Variants in EMP1 observed in about 807,000 individuals in gnomAD.
The protein encoded by EMP1 is tumor-associated membrane protein.
EMP1 carries 5 observed loss-of-function variants against 15.7 expected under a neutral mutation model. The observed-to-expected ratio is 0.32, with a 90% CI of 0.17 to 0.67. The LOEUF (loss-of-function observed/expected upper bound fraction) is 0.67. Among genes scored for constraint, EMP1 ranks in the 30% least tolerant of loss-of-function variants. The pLI is 0.74. For synonymous variants in EMP1, 78 were observed against 76.7 expected (o/e 1.02, Z -0.09); for missense variants, 166 against 194.2 (o/e 0.85, Z 0.86).
chr12:13,197,803 A>C (rs1023774807), intron 1 of EMP1, among the ~76,000 whole-genome samples: 1 of 152,204 alleles, frequency 6.6e-6, no homozygotes, highest in Non-Finnish European at 1.5e-5. Flanking sequence ...AAAGAAAAAA[A>C]ATGAAAAAAG....
chr12:13,215,470 T>G lies in EMP1; in HGVS notation c.*779T>G, dbSNP rs1864206467. 6.6e-6 allele frequency: 1 copy of G among 152,200 alleles called. No individual in the cohort carries two copies. The highest frequency in any genetic ancestry group is 1.5e-5 in the Non-Finnish European group (1 of 68,060). The allele number at this position is 152,200 out of a possible 1,614,324, so 9.4% of individuals were successfully genotyped here. A position where few individuals can be genotyped will look rare whatever the true frequency, so the allele number is the denominator to read the frequency against. On this transcript the variant is annotated 3_prime_UTR_variant, in exon 5 of 5. Transcript: ENST00000256951. ...TCTGGAGTTTCTCTAAAGTCACTAG[T>G]GAACAATTCGGTGGTAAAAGTACCA...
rs147023177 is a variant in EMP1, at chr12:13,211,550, G to A, written c.40G>A (p.Ala14Thr). 2.1e-3 allele frequency: 3,395 copies of A among 1,613,332 alleles called. 8 individuals are homozygous for A. Among genetic ancestry groups the A allele is most frequent in the Admixed American group, 3.5e-3 (209 of 59,944 alleles). ...GGCTGGTATCTTTGTGGTCCACATC[G>A]CTACTGTTATTATGCTATTTGTTAG... ...LLAGIFVVHI[A>T]TVIMLFVSTI... Residue 14 changes from alanine to threonine, a missense_variant, in exon 2 of 5, where the codon GCT becomes ACT. Physicochemically the swap from Ala to Thr is moderately conservative, Grantham distance 58 (BLOSUM62 0). Coordinates refer to ENST00000256951, the MANE Select transcript of EMP1 (RefSeq NM_001423.3). This position sits in a 1 kb window ranked among gnomAD's most constrained non-coding sequence, Gnocchi z 4.7.
intron 1 of EMP1, among the ~76,000 whole-genome samples, chr12:13,205,585 G>T (rs901749990): frequency 6.6e-6 from 1 of 152,164 alleles, no homozygotes; most frequent in African/African-American, 2.4e-5. Flanking sequence ...CCATGGGGAA[G>T]AAAATATGGC....
rs1864163926 is a variant in EMP1, at chr12:13,211,493, A to G, written c.-18A>G. On this transcript the variant is annotated 5_prime_UTR_variant, in exon 2 of 5. Coordinates refer to ENST00000256951, the MANE Select transcript of EMP1 (RefSeq NM_001423.3). The surrounding 1 kb of genome is among the most constrained non-coding windows in gnomAD (Gnocchi z 4.7). Reference sequence around the variant, plus strand: ...GAACTCTCTTTGCTCACAAGTTACCAAAAAAAAAAGAGCCAACATGTTGGT... The same window carrying G: ...GAACTCTCTTTGCTCACAAGTTACCGAAAAAAAAAGAGCCAACATGTTGGT... 2 of 1,326,128 alleles carry G rather than the reference A, an allele frequency of 1.5e-6. No individual in the cohort carries two copies. Among genetic ancestry groups the G allele is most frequent in the Non-Finnish European group, 2.1e-6 (2 of 967,212 alleles). The allele number at this position is 1,326,128 out of a possible 1,614,324, so 82.1% of individuals were successfully genotyped here.
At chr12:13,197,124 C>G (rs569151864) in intron 1 of EMP1, among the ~76,000 whole-genome samples, 1 of 152,158 alleles carries the variant, frequency 6.6e-6, no homozygotes, top group Non-Finnish European at 1.5e-5. Context: ...GGGCTAAAAT[C>G]GTGCCTGGCA....
At chr12:13,202,400 T>C (rs1330536325) in intron 1 of EMP1, among the ~76,000 whole-genome samples, 1 of 152,208 alleles carries the variant, frequency 6.6e-6, no homozygotes, top group African/African-American at 2.4e-5. Context: ...AACGGGGTTC[T>C]TGATCCTTAG....
chr12:13,212,545 T>A (rs1030711135), intron 2 of EMP1, among the ~76,000 whole-genome samples: 9 of 152,222 alleles, frequency 5.9e-5, no homozygotes, highest in African/African-American at 2.2e-4. Context: ...GTTTTGTAAT[T>A]TAGCCATTCT....
intron 2 of EMP1, 72 bp from the exon 3 acceptor site, chr12:13,213,407 G>T (rs974446927): frequency 2.2e-6 from 3 of 1,369,094 alleles, no homozygotes; most frequent in Non-Finnish European, 3.1e-6. Context: ...CCCGATGCAA[G>T]CTGATTTGTT....
At chr12:13,210,765 AG>A (rs762887794) in intron 1 of EMP1, among the ~76,000 whole-genome samples, 3 of 152,252 alleles carry the variant, frequency 2.0e-5, no homozygotes, top group Admixed American at 6.5e-5. Context: ...TCCTGCCATG[AG>A]GCACACAGAG....
rs1864216388 is a variant in EMP1 at position 13,216,468 on chromosome 12, T to G, written c.*1777T>G. 1.4e-6 allele frequency: 1 copy of G among 702,488 alleles called. No homozygotes were observed. The highest frequency in any genetic ancestry group is 1.7e-5 in the African/African-American group (1 of 57,250). The allele number at this position is 702,488 out of a possible 1,614,324, so 43.5% of individuals were successfully genotyped here. A position where few individuals can be genotyped will look rare whatever the true frequency, so the allele number is the denominator to read the frequency against. ...GATGAACTTTGTCATTATGATTTCA[T>G]TATCACATGATTATAGAAGGCTGTC... is the stretch of plus-strand genomic sequence containing the variant. On this transcript the variant is annotated 3_prime_UTR_variant, in exon 5 of 5. Coordinates refer to ENST00000256951, the MANE Select transcript of EMP1 (RefSeq NM_001423.3).
intron 1 of EMP1, among the ~76,000 whole-genome samples, chr12:13,210,834 A>G (rs539897291): frequency 6.6e-6 from 1 of 152,390 alleles, no homozygotes; most frequent in South Asian, 2.1e-4. Flanking sequence ...GGGTGACCAG[A>G]CCATTAAACT....
rs1864240723 is a variant in EMP1 at position 13,219,401 on chromosome 12, C to T, written c.*4710C>T. Reference sequence around the variant, plus strand: ...TCACTGTCAGCATTTTGGTTAAAACCATTCAACAAGTCTCCAGGAAGCTCC... The same window carrying T: ...TCACTGTCAGCATTTTGGTTAAAACTATTCAACAAGTCTCCAGGAAGCTCC... On this transcript the variant is annotated 3_prime_UTR_variant, in exon 5 of 5. Transcript: ENST00000256951. The T allele has an allele frequency of 6.6e-6, 1 of 152,218 alleles. No individual in the cohort carries two copies. Among genetic ancestry groups the T allele is most frequent in the African/African-American group, 2.4e-5 (1 of 41,446 alleles). The allele number at this position is 152,218 out of a possible 1,614,324, so 9.4% of individuals were successfully genotyped here.
chr12:13,203,437 C>T (rs534107379), intron 1 of EMP1, among the ~76,000 whole-genome samples: 1 of 152,332 alleles, frequency 6.6e-6, no homozygotes, highest in Non-Finnish European at 1.5e-5. Flanking sequence ...CCAGATCCAC[C>T]CCTCCCCTGG....
chr12:13,198,822 T>A (rs1864036760), intron 1 of EMP1, among the ~76,000 whole-genome samples: 1 of 152,214 alleles, frequency 6.6e-6, no homozygotes, highest in Non-Finnish European at 1.5e-5. Flanking sequence ...GAAGACAATT[T>A]AGAAAAATAC....
chr12:13,199,910 A>G (rs1209847025), intron 1 of EMP1, among the ~76,000 whole-genome samples: 2 of 151,710 alleles, frequency 1.3e-5, no homozygotes, highest in Non-Finnish European at 2.9e-5. Context: ...ATATTTAATG[A>G]ATACAACTTG....
At chr12:13,197,116 G>A (rs1169568880) in intron 1 of EMP1, among the ~76,000 whole-genome samples, 1 of 152,180 alleles carries the variant, frequency 6.6e-6, no homozygotes, top group Admixed American at 6.5e-5. Flanking sequence ...ATGGGATGGG[G>A]CTAAAATCGT....
In EMP1 at chr12:13,204,429, G is replaced by A. The variant is rs867233821; in HGVS notation, c.-42-7040G>A. ...ACATCCTCTCCGGCTGCCCCCAGAA[G>A]GGAGTGCTTCCTTTTCTGCTTTTGT... is the stretch of plus-strand genomic sequence containing the variant. On this transcript the variant is annotated intron_variant, in intron 1 of 4. Coordinates refer to ENST00000256951, the MANE Select transcript of EMP1 (RefSeq NM_001423.3). Among the ~76,000 whole-genome samples the A allele has an allele frequency of 8.5e-5, 13 of 152,314 alleles. No individual in the cohort carries two copies. The South Asian group carries it at 2.3e-3, about 27-fold the overall frequency.
At position 13,214,538 on chromosome 12, in the gene EMP1, G is replaced by A; in HGVS notation, c.321G>A (p.Leu107=). 6.2e-7 allele frequency: 1 copy of A among 1,612,908 alleles called. No homozygotes were observed. Among genetic ancestry groups the A allele is most frequent in the Non-Finnish European group, 8.5e-7 (1 of 1,179,564 alleles). ...AAATCTCCTTTTCCCCTGCAGGGCT[G>A]TGCATTCTTGTGGGGGTGTCCATCT... ...LSGATTLVCW[L]CILVGVSIYT... The change falls in exon 5 of 5, where the codon CTG becomes CTA. Residue 107 remains leucine (L), a synonymous_variant. Transcript: ENST00000256951.
At position 13,215,081 on chromosome 12, in the gene EMP1, G is replaced by A; in HGVS notation, c.*390G>A. 1 of 201,974 alleles carries A rather than the reference G, an allele frequency of 5.0e-6. No homozygotes were observed. The highest frequency in any genetic ancestry group is 5.2e-5 in the Admixed American group (1 of 19,082). The allele number at this position is 201,974 out of a possible 1,614,324, so 12.5% of individuals were successfully genotyped here. A position where few individuals can be genotyped will look rare whatever the true frequency, so the allele number is the denominator to read the frequency against. ...GAGTTAAAATAGCGGTACAAGTTCT[G>A]GCAAGAGCAGATACTGTCTTTGTGC... On this transcript the variant is annotated 3_prime_UTR_variant, in exon 5 of 5. Coordinates refer to ENST00000256951, the MANE Select transcript of EMP1 (RefSeq NM_001423.3).
Sources: allele counts gnomAD v4.1 joint callset (sites outside exome capture counted in the v4.1 genomes callset), GRCh38; gene constraint gnomAD v4.1.1; non-coding constraint Gnocchi (gnomAD v3.1); transcripts MANE v1.5; gene names NCBI Gene and HGNC (gene_info 2026-07-23, HGNC 2026-07-21).